LRRK2: variants seen among roughly 807,000 people sequenced by gnomAD.
The protein encoded by LRRK2 is leucine-rich repeat serine/threonine-protein kinase 2.
In LRRK2, 203 loss-of-function variants were observed where a neutral mutation model predicts 302.6. That is an observed-to-expected ratio of 0.67 (90% confidence interval 0.60 to 0.75). The LOEUF is 0.75. Among genes scored for constraint, LRRK2 ranks in the 30% least tolerant of loss-of-function variants. The pLI, the probability that LRRK2 is intolerant of heterozygous loss-of-function variation, is 0.00. For synonymous variants in LRRK2, 1,066 were observed against 1,031.9 expected, an observed-to-expected ratio of 1.03 and a Z score of -0.63; for missense variants, 2,830 against 2,951.0, an observed-to-expected ratio of 0.96 and a Z score of 0.95.
At chr12:40,345,132 C>A (rs1201806028) in intron 41 of LRRK2, among the ~76,000 whole-genome samples, 1 of 151,912 alleles carries the variant, frequency 6.6e-6, no homozygotes, top group Non-Finnish European at 1.5e-5. Flanking sequence ...ATTTTTCTGG[C>A]TGCATATTTA....
chr12:40,366,469 A>C (rs1244640492), intron 49 of LRRK2: 2 of 154,542 alleles, frequency 1.3e-5, no homozygotes, highest in African/African-American at 2.4e-5. Context: ...CGGTTGGGTT[A>C]GTGTGTTTTT....
intron 26 of LRRK2, 79 bp from the exon 27 acceptor site, chr12:40,303,869 G>A: frequency 7.2e-7 from 1 of 1,386,522 alleles, no homozygotes; most frequent in Non-Finnish European, 1.0e-6. Context: ...TCTCACCCTG[G>A]GGAAAATTAT....
chr12:40,314,505 A>G (rs1447462214), intron 32 of LRRK2, among the ~76,000 whole-genome samples: 1 of 152,122 alleles, frequency 6.6e-6, no homozygotes, highest in Non-Finnish European at 1.5e-5. Context: ...ATAATGTCAA[A>G]TGAGTTTAGT....
Position 40,283,527 on chromosome 12 carries a change from A to C in LRRK2, c.2242-348A>C, listed in dbSNP as rs544811658. 1.9e-4 allele frequency among the ~76,000 whole-genome samples: 29 copies of C among 152,350 alleles called. 1 individual carries two copies. The highest frequency in any genetic ancestry group is 6.5e-4 in the African/African-American group (27 of 41,582). ...GGTACTGGTTTCCCAGGTATCTTACAGTGAGAAGACAGAAGCTCAGAAAGT... is the reference window on the plus strand; with the variant it reads ...GGTACTGGTTTCCCAGGTATCTTACCGTGAGAAGACAGAAGCTCAGAAAGT... On this transcript the variant is annotated intron_variant, in intron 18 of 50. Transcript: ENST00000298910.
Position 40,284,055 on chromosome 12 carries a change from T to A in LRRK2, c.2422T>A (p.Phe808Ile), listed in dbSNP as rs1943814695. 1 of 1,613,660 alleles carries A rather than the reference T, an allele frequency of 6.2e-7. No individual in the cohort carries two copies. The highest frequency in any genetic ancestry group is 8.5e-7 in the Non-Finnish European group (1 of 1,179,668). The stretch of plus-strand genomic sequence containing the variant: ...CAACAATAGCATTTGCCTTGGAGGA[T>A]TTTGTATAGGAAAAGTTGAACCTTC... The part of the protein sequence containing the change: ...VANNSICLGG[F>I]CIGKVEPSWL... Residue 808 changes from phenylalanine (F) to isoleucine (I), a missense_variant, in exon 19 of 51, where the codon TTT (phenylalanine) becomes ATT (isoleucine). Phe to Ile is a conservative substitution (Grantham distance 21). Transcript: ENST00000298910.
In LRRK2 at chr12:40,313,716, C is replaced by A. The variant is rs17491180; in HGVS notation, c.4537-256C>A. Among the ~76,000 whole-genome samples, 1,743 of 151,410 alleles carry A rather than the reference C, an allele frequency of 0.012. 39 individuals carry two copies. The highest frequency in any genetic ancestry group is 0.04 in the African/African-American group (1,665 of 41,336). On this transcript the variant is annotated intron_variant, in intron 31 of 50. Coordinates refer to ENST00000298910, the MANE Select transcript of LRRK2 (RefSeq NM_198578.4). ...TTTTTTCCATGGAATTTCTGGATAGCGAGATAAATATTTCCATACTATTTT... is the reference window on the plus strand; with the variant it reads ...TTTTTTCCATGGAATTTCTGGATAGAGAGATAAATATTTCCATACTATTTT...
rs550972531 is a variant in LRRK2 at position 40,311,307 on chromosome 12, T to C, written c.4536+658T>C. ...AAAGTTATCTTCTCGTAAGCCAAAT[T>C]TTTATAAAATGTAAATAAATCAGTT... On this transcript the variant is annotated intron_variant, in intron 31 of 50. Transcript: ENST00000298910. Among the ~76,000 whole-genome samples, 8 of 151,834 alleles carry C rather than the reference T, an allele frequency of 5.3e-5. No individual in the cohort carries two copies. In the South Asian group the frequency reaches 1.7e-3, roughly 32 times the overall value.
chr12:40,252,722 A>G (rs1942328318), intron 10 of LRRK2, among the ~76,000 whole-genome samples, 188 bp from the exon 11 acceptor site: 1 of 152,066 alleles, frequency 6.6e-6, no homozygotes, highest in African/African-American at 2.4e-5. Context: ...TAAAAATACT[A>G]ATTTGTTAGG....
At chr12:40,289,758 A>C (rs1944071053) in intron 20 of LRRK2, among the ~76,000 whole-genome samples, 1 of 151,754 alleles carries the variant, frequency 6.6e-6, no homozygotes, top group African/African-American at 2.4e-5. Context: ...ATAGAAACAT[A>C]ATTCATTTAT....
chr12:40,321,906 A>G (rs1221219954), intron 35 of LRRK2, 129 bp from the exon 36 acceptor site: 5 of 843,026 alleles, frequency 5.9e-6, no homozygotes, highest in East Asian at 2.6e-5. Flanking sequence ...ATGAGGACTC[A>G]TATCAGTAAC....
intron 39 of LRRK2, among the ~76,000 whole-genome samples, chr12:40,329,262 T>G (rs993295031): frequency 6.6e-6 from 1 of 152,218 alleles, no homozygotes; most frequent in African/African-American, 2.4e-5. Flanking sequence ...TTTCCTGATA[T>G]AGTAACAATT....
chr12:40,290,706 T>A (rs1186745518), intron 20 of LRRK2, among the ~76,000 whole-genome samples: 6 of 152,156 alleles, frequency 3.9e-5, no homozygotes, highest in Admixed American at 3.9e-4. Flanking sequence ...TATTTAATTA[T>A]CCTGTTAGTG....
rs149139076 is a variant in LRRK2 at position 40,258,569 on chromosome 12, G to A, written c.1419-911G>A. On this transcript the variant is annotated intron_variant, in intron 12 of 50. Transcript: ENST00000298910. ...GTAAAATGTGTACAGTTGCAGCCCT[G>A]GAGATTCCGCATTGGCTCTGACAGT... Among the ~76,000 whole-genome samples the A allele has an allele frequency of 3.6e-3, 550 of 152,252 alleles. 6 individuals are homozygous for A. The highest frequency in any genetic ancestry group is 0.013 in the African/African-American group (531 of 41,554).
At chr12:40,268,671 C>T (rs985622680) in intron 14 of LRRK2, among the ~76,000 whole-genome samples, 8 of 152,024 alleles carry the variant, frequency 5.3e-5, no homozygotes, top group Non-Finnish European at 8.8e-5. Flanking sequence ...AAAATTAATA[C>T]ATATGAGTAA....
Position 40,322,386 on chromosome 12 carries a change from G to A in LRRK2, c.5385G>A (p.Leu1795=), listed in dbSNP as rs111910483. 39 of 1,613,532 alleles carry A rather than the reference G, an allele frequency of 2.4e-5. No individual in the cohort carries two copies. Among genetic ancestry groups the A allele is most frequent in the Non-Finnish European group, 5.9e-6 (7 of 1,179,664 alleles). ...TCATGGAAGAATGGTTTCCTGGGTT[G>A]CTGGAGATTGATATTTGTGGTGAAG... ...DSLMEEWFPG[L]LEIDICGEGE... Residue 1795 remains leucine, a synonymous_variant, in exon 37 of 51, where the codon TTG becomes TTA. Coordinates refer to ENST00000298910, the MANE Select transcript of LRRK2 (RefSeq NM_198578.4).
At chr12:40,317,201 T>G (rs187767305) in intron 33 of LRRK2, among the ~76,000 whole-genome samples, 4 of 152,056 alleles carry the variant, frequency 2.6e-5, no homozygotes, top group Non-Finnish European at 4.4e-5. Flanking sequence ...ATTAAGTTAA[T>G]TTGAGCCACT....
At chr12:40,331,157 C>T (rs144877291) in intron 39 of LRRK2, among the ~76,000 whole-genome samples, 7 of 151,998 alleles carry the variant, frequency 4.6e-5, no homozygotes, top group Non-Finnish European at 1.0e-4. Context: ...TGGGTGACTT[C>T]GTATGAAGTA....
intron 20 of LRRK2, among the ~76,000 whole-genome samples, chr12:40,292,713 G>C (rs1334294081): frequency 6.6e-6 from 1 of 151,800 alleles, no homozygotes; most frequent in Non-Finnish European, 1.5e-5. Context: ...ATTTGGTTTT[G>C]ACATAAAATG....
chr12:40,311,844 C>T (rs896208016), intron 31 of LRRK2, among the ~76,000 whole-genome samples: 1 of 152,016 alleles, frequency 6.6e-6, no homozygotes, highest in African/African-American at 2.4e-5. Flanking sequence ...GTAAAAATGA[C>T]ATATTATTTA....
Sources: allele counts gnomAD v4.1 joint callset (sites outside exome capture counted in the v4.1 genomes callset), GRCh38; gene constraint gnomAD v4.1.1; transcripts MANE v1.5; gene names NCBI Gene and HGNC (gene_info 2026-07-23, HGNC 2026-07-21).